MACROD2: variants seen among roughly 807,000 people sequenced by gnomAD.
MACROD2 encodes the protein ADP-ribose glycohydrolase MACROD2.
A neutral mutation model predicts 70.4 loss-of-function variants in MACROD2; 36 were observed. The observed-to-expected ratio is 0.51, with a 90% CI of 0.39 to 0.68. The LOEUF (loss-of-function observed/expected upper bound fraction) is 0.68. Ranked by LOEUF, MACROD2 falls within the 30% of genes least tolerant of loss-of-function variation. The pLI, the probability that MACROD2 is intolerant of heterozygous loss-of-function variation, is 0.00. For missense variants in MACROD2, 496 were observed against 538.4 expected, an observed-to-expected ratio of 0.92 and a Z score of 0.78; for synonymous variants, 172 against 178.8, an observed-to-expected ratio of 0.96 and a Z score of 0.30.
chr20:15,623,150 G>A (rs1358880516), intron 8 of MACROD2, among the ~76,000 whole-genome samples: 3 of 152,152 alleles, frequency 2.0e-5, no homozygotes, highest in African/African-American at 4.8e-5. Context: ...TTGGGGATGT[G>A]TGTTCATGTT....
intron 8 of MACROD2, among the ~76,000 whole-genome samples, chr20:15,581,915 A>C (rs1243434740): frequency 6.6e-6 from 1 of 152,186 alleles, no homozygotes; most frequent in Non-Finnish European, 1.5e-5. Flanking sequence ...TGAGCGTAGG[A>C]GTTTAAGACC....
In MACROD2 at chr20:15,252,201, C is replaced by T. The variant is rs116057777; in HGVS notation, c.540+22140C>T. Reference sequence around the variant, plus strand: ...GTGTATCTATAAGCATTTTACAAAACAATTCCATATGTATTGCTAATTAAA... The same window carrying T: ...GTGTATCTATAAGCATTTTACAAAATAATTCCATATGTATTGCTAATTAAA... On this transcript the variant is annotated intron_variant, in intron 6 of 17. Transcript: ENST00000684519. Among the ~76,000 whole-genome samples, 691 of 152,316 alleles carry T rather than the reference C, an allele frequency of 4.5e-3. 5 individuals are homozygous for T. The highest frequency in any genetic ancestry group is 0.016 in the African/African-American group (657 of 41,576).
chr20:15,244,458 G>A (rs80039714), intron 6 of MACROD2, among the ~76,000 whole-genome samples: 11,279 of 152,204 alleles, frequency 0.074, 540 homozygotes, highest in Admixed American at 0.11. Flanking sequence ...CCAGGGGAAG[G>A]CTGTCAGCTG....
chr20:14,019,444 T>A (rs2053040439), intron 2 of MACROD2, among the ~76,000 whole-genome samples: 1 of 152,076 alleles, frequency 6.6e-6, no homozygotes, highest in Non-Finnish European at 1.5e-5. Flanking sequence ...TAATTTTTTG[T>A]ATATTGTTTT....
intron 4 of MACROD2, among the ~76,000 whole-genome samples, chr20:14,514,369 C>A (rs1367988638): frequency 2.0e-5 from 3 of 152,104 alleles, no homozygotes; most frequent in East Asian, 1.9e-4. Flanking sequence ...TTCTTTCTAG[C>A]CTGTTAGGAA....
At chr20:15,819,235 A>T (rs2063909659) in intron 8 of MACROD2, among the ~76,000 whole-genome samples, 1 of 145,558 alleles carries the variant, frequency 6.9e-6, no homozygotes, top group East Asian at 1.9e-4. Context: ...ATATTTATAT[A>T]TACAAACATA....
At chr20:15,826,686 C>T (rs966450113) in intron 8 of MACROD2, among the ~76,000 whole-genome samples, 11 of 152,074 alleles carry the variant, frequency 7.2e-5, no homozygotes, top group African/African-American at 1.2e-4. Context: ...TAGTATAATG[C>T]GTTATAAATT....
chr20:14,469,568 G>T (rs1266313201), intron 3 of MACROD2, among the ~76,000 whole-genome samples: 2 of 152,044 alleles, frequency 1.3e-5, no homozygotes, highest in Non-Finnish European at 2.9e-5. Flanking sequence ...ACACCAATCA[G>T]TTGTAGGTTT....
rs1279381201 is a variant in MACROD2 at position 14,801,186 on chromosome 20, G to A, written c.418+116227G>A. 2.0e-5 allele frequency among the ~76,000 whole-genome samples: 3 copies of A among 152,160 alleles called. 1 individual carries two copies. Among genetic ancestry groups the A allele is most frequent in the Non-Finnish European group, 4.4e-5 (3 of 68,030 alleles). ...TTTGTTTTCTTCCCAAATTAGTTGAGATCATGCTTTATAGCAGGTTAGCCA... is the reference window on the plus strand; with the variant it reads ...TTTGTTTTCTTCCCAAATTAGTTGAAATCATGCTTTATAGCAGGTTAGCCA... On this transcript the variant is annotated intron_variant, in intron 5 of 17. Coordinates refer to ENST00000684519, the MANE Select transcript of MACROD2 (RefSeq NM_001351661.2).
At chr20:14,163,785 C>T (rs914632454) in intron 3 of MACROD2, among the ~76,000 whole-genome samples, 1 of 151,504 alleles carries the variant, frequency 6.6e-6, no homozygotes, top group Non-Finnish European at 1.5e-5. Flanking sequence ...AATTCTTCAG[C>T]TCCAGAATTT....
At chr20:15,834,947 T>G (rs1358498468) in intron 8 of MACROD2, among the ~76,000 whole-genome samples, 2 of 152,168 alleles carry the variant, frequency 1.3e-5, no homozygotes, top group East Asian at 3.9e-4. Context: ...TGTTTCCTTT[T>G]TGAGGCTAAG....
At chr20:14,044,677 C>A (rs1569131849) in intron 2 of MACROD2, among the ~76,000 whole-genome samples, 1 of 152,162 alleles carries the variant, frequency 6.6e-6, no homozygotes. Context: ...GAGCTAGATA[C>A]AGAGTGCTGA....
intron 5 of MACROD2, among the ~76,000 whole-genome samples, chr20:15,095,160 T>C (rs1037431102): frequency 2.2e-4 from 31 of 139,318 alleles, no homozygotes; most frequent in Admixed American, 3.1e-4. Flanking sequence ...CACTGCAAGC[T>C]CCGCCTCCCA....
chr20:14,952,395 A>G (rs1170537516), intron 5 of MACROD2, among the ~76,000 whole-genome samples: 1 of 152,174 alleles, frequency 6.6e-6, no homozygotes, highest in Non-Finnish European at 1.5e-5. Context: ...AAGTGTTAAC[A>G]TCTATGCTGA....
intron 5 of MACROD2, among the ~76,000 whole-genome samples, chr20:14,928,566 A>G (rs929247184): frequency 6.6e-6 from 1 of 152,200 alleles, no homozygotes; most frequent in South Asian, 2.1e-4. Flanking sequence ...GTTAATATCA[A>G]TGCTGAGATT....
intron 8 of MACROD2, among the ~76,000 whole-genome samples, chr20:15,714,954 C>A (rs944977634): frequency 2.0e-5 from 3 of 151,976 alleles, no homozygotes; most frequent in African/African-American, 7.3e-5. Context: ...TTAAAGAGAT[C>A]AAGAAGTCTT....
intron 7 of MACROD2, among the ~76,000 whole-genome samples, chr20:15,486,286 G>A (rs2047162596): frequency 6.6e-6 from 1 of 152,156 alleles, no homozygotes; most frequent in South Asian, 2.1e-4. Flanking sequence ...GCACATTGAA[G>A]AGCATGGAGC....
intron 8 of MACROD2, among the ~76,000 whole-genome samples, chr20:15,629,797 A>G (rs1302676506): frequency 1.3e-5 from 2 of 152,248 alleles, no homozygotes; most frequent in Non-Finnish European, 2.9e-5. Context: ...GCTGCCAGGA[A>G]GTGAAAGAGA....
rs200982520 is a variant in MACROD2, at chr20:15,249,794, GAA to G, written c.540+19735_540+19736del. Among the ~76,000 whole-genome samples the G allele has an allele frequency of 3.6e-3, 550 of 152,330 alleles. 8 individuals carry two copies. Among genetic ancestry groups the G allele is most frequent in the Admixed American group, 0.032 (489 of 15,292 alleles). The stretch of plus-strand genomic sequence containing the variant: ...CAGAATGACAATCCATGTGGAAAAG[GAA>G]ACATGGGCGGCAGGGGCCGAGCTGG... On this transcript the variant is annotated intron_variant, in intron 6 of 17. Coordinates refer to ENST00000684519, the MANE Select transcript of MACROD2 (RefSeq NM_001351661.2).
Sources: gnomAD v4.1 joint callset for allele counts (sites outside exome capture counted in the v4.1 genomes callset) on GRCh38, gnomAD v4.1.1 for gene constraint, MANE v1.5 for transcripts, NCBI Gene and HGNC (gene_info 2026-07-23, HGNC 2026-07-21) for gene names.